The following UNC13C variants were observed in gnomAD, a reference collection of about 807,000 sequenced individuals.
UNC13C encodes the protein unc-13 homolog C, also known as protein unc-13 homolog C.
In UNC13C, 174 loss-of-function variants were observed where a neutral mutation model predicts 245.4. The ratio of observed to expected loss-of-function variants is 0.71; its 90% CI spans 0.63 to 0.80. The LOEUF is 0.80. Among genes scored for constraint, UNC13C ranks in the 30% least tolerant of loss-of-function variants. The probability of loss-of-function intolerance (pLI) is 0.00; values close to 1 mark genes in which losing one functional copy is unlikely to be tolerated. For synonymous variants in UNC13C, 992 were observed against 895.1 expected (o/e 1.11, Z -1.93); for missense variants, 2,829 against 2,602.9 (o/e 1.09, Z -1.89).
intron 2 of UNC13C, among the ~76,000 whole-genome samples, chr15:54,052,211 G>A (rs542799161): frequency 5.5e-4 from 58 of 105,376 alleles, no homozygotes; most frequent in African/African-American, 1.9e-3. Context: ...GAATAATGCC[G>A]CAATAAACAT....
At chr15:54,469,601 G>A (rs368192207) in intron 19 of UNC13C, among the ~76,000 whole-genome samples, 5 of 151,510 alleles carry the variant, frequency 3.3e-5, no homozygotes, top group Non-Finnish European at 5.9e-5. Context: ...ATCCTGTCTA[G>A]TTTACTTATA....
chr15:54,311,584 A>AT (rs2037874387), intron 13 of UNC13C, among the ~76,000 whole-genome samples: 1 of 151,504 alleles, frequency 6.6e-6, no homozygotes, highest in Non-Finnish European at 1.5e-5. Context: ...TCATACCTTT[A>AT]TTTTGCGTTA....
At chr15:53,934,401 C>G in the UNC13C span, among the ~76,000 whole-genome samples, 2 of 152,154 alleles carry the variant, frequency 1.3e-5, no homozygotes, top group Non-Finnish European at 2.9e-5. Flanking sequence ...CAACCCCCGC[C>G]TTTTTCTCTC....
At chr15:54,172,735 T>TATAA (rs1567067124) in intron 4 of UNC13C, among the ~76,000 whole-genome samples, 9 of 115,462 alleles carry the variant, frequency 7.8e-5, no homozygotes, top group Non-Finnish European at 1.2e-4. Context: ...TATATATATA[T>TATAA]ATATATATAT....
chr15:53,948,546 G>A, the UNC13C span: 47,492 of 151,114 alleles, frequency 0.31, 7,601 homozygotes, highest in Middle Eastern at 0.33. Context: ...CCCGGGAGGC[G>A]GAAGTTGTAG....
chr15:54,374,834 A>G (rs1596300707), intron 17 of UNC13C, among the ~76,000 whole-genome samples: 1 of 152,218 alleles, frequency 6.6e-6, no homozygotes, highest in South Asian at 2.1e-4. Flanking sequence ...GCCTCTCCAG[A>G]TGGGCTGCCA....
At chr15:54,402,886 A>G (rs1213894208) in intron 18 of UNC13C, among the ~76,000 whole-genome samples, 1 of 152,224 alleles carries the variant, frequency 6.6e-6, no homozygotes, top group African/African-American at 2.4e-5. Flanking sequence ...ATCTGATTGC[A>G]ACATCTTTTA....
At chr15:54,083,599 C>T (rs976747700) in intron 2 of UNC13C, among the ~76,000 whole-genome samples, 1 of 152,164 alleles carries the variant, frequency 6.6e-6, no homozygotes, top group Non-Finnish European at 1.5e-5. Flanking sequence ...CTCTCTATCC[C>T]TCTTCCCAGC....
rs189887743 is a variant in UNC13C, at chr15:54,609,663, C to T, written c.6107-12664C>T. Among the ~76,000 whole-genome samples the T allele has an allele frequency of 1.6e-4, 24 of 152,250 alleles. No homozygotes were observed. The East Asian group carries it at 4.1e-3, about 26-fold the overall frequency. Reference sequence around the variant, plus strand: ...CCATCTGTGTGTATTGTTTATTCTCCCAGACCTTCAATCATACATGTACAA... The same window carrying T: ...CCATCTGTGTGTATTGTTTATTCTCTCAGACCTTCAATCATACATGTACAA... On this transcript the variant is annotated intron_variant, in intron 30 of 32. Transcript: ENST00000260323.
Position 54,567,952 on chromosome 15 carries a change from G to A in UNC13C, c.6106+5G>A. On this transcript the variant is annotated splice_donor_5th_base_variant and intron_variant, in intron 30 of 32. Coordinates refer to ENST00000260323, the MANE Select transcript of UNC13C (RefSeq NM_001080534.3). ...TAGATACTCAAACCTCACAGAGTAA[G>A]TAACACATAGGACCTGAGAATAAGG... 6.5e-7 allele frequency: 1 copy of A among 1,546,318 alleles called. No individual in the cohort carries two copies. The highest frequency in any genetic ancestry group is 8.7e-7 in the Non-Finnish European group (1 of 1,143,822).
intron 2 of UNC13C, among the ~76,000 whole-genome samples, chr15:54,085,078 A>G (rs1420182052): frequency 6.6e-6 from 1 of 152,130 alleles, no homozygotes; most frequent in Non-Finnish European, 1.5e-5. Context: ...GTTAATTATG[A>G]CTTCTGCTAA....
chr15:54,014,008 T>C lies in UNC13C; in HGVS notation c.1105T>C (p.Cys369Arg), dbSNP rs772005375. The change falls in exon 2 of 33, where the codon TGC becomes CGC. Residue 369 changes from cysteine (C) to arginine (R), a missense_variant. By Grantham distance (180) the Cys-to-Arg change is radical (BLOSUM62 -3). Transcript: ENST00000260323. ...FAQRIGHQRDCPNAKPRPILV... is the reference protein window; with the variant it reads ...FAQRIGHQRDRPNAKPRPILV... ...TCAGAGGATAGGACACCAGAGAGAC[T>C]GCCCAAATGCAAAGCCTCGACCCAT... is the stretch of plus-strand genomic sequence containing the variant. 3.7e-6 allele frequency: 6 copies of C among 1,613,704 alleles called. No individual in the cohort carries two copies. The highest frequency in any genetic ancestry group is 5.1e-6 in the Non-Finnish European group (6 of 1,179,850).
rs117022079 is a variant in UNC13C at position 54,454,758 on chromosome 15, G to T, written c.4933+39691G>T. ...ATAATGTTTTCAAGTTTCATCCACA[G>T]TGTAGCAACTCCCAGTACTCCATCT... On this transcript the variant is annotated intron_variant, in intron 19 of 32. Coordinates refer to ENST00000260323, the MANE Select transcript of UNC13C (RefSeq NM_001080534.3). Among the ~76,000 whole-genome samples, 1,418 of 152,056 alleles carry T rather than the reference G, an allele frequency of 9.3e-3. 10 individuals carry two copies. Among genetic ancestry groups the T allele is most frequent in the Non-Finnish European group, 0.017 (1,136 of 67,984 alleles).
intron 17 of UNC13C, among the ~76,000 whole-genome samples, chr15:54,339,803 C>T (rs1464554366): frequency 6.6e-6 from 1 of 152,054 alleles, no homozygotes; most frequent in Non-Finnish European, 1.5e-5. Flanking sequence ...TGGGTAGATA[C>T]CCAGTAGTGA....
intron 29 of UNC13C, among the ~76,000 whole-genome samples, chr15:54,566,405 A>C (rs1897515836): frequency 6.6e-6 from 1 of 152,134 alleles, no homozygotes; most frequent in African/African-American, 2.4e-5. Flanking sequence ...ATCCAGGTGT[A>C]GAACAATTTA....
chr15:54,055,434 T>C (rs1897467366), intron 2 of UNC13C, among the ~76,000 whole-genome samples: 1 of 152,218 alleles, frequency 6.6e-6, no homozygotes, highest in East Asian at 1.9e-4. Context: ...ATTCTATTTT[T>C]TATTTAAATA....
the UNC13C span, chr15:53,913,954 A>G: frequency 2.6e-5 from 4 of 152,292 alleles, no homozygotes; most frequent in African/African-American, 4.8e-5. Flanking sequence ...CAATGTGAAC[A>G]GTAATCACCA....
At chr15:54,136,299 T>G (rs1010391385) in intron 2 of UNC13C, among the ~76,000 whole-genome samples, 2 of 152,024 alleles carry the variant, frequency 1.3e-5, no homozygotes, top group African/African-American at 2.4e-5. Flanking sequence ...CACCATGCCC[T>G]GCAAATTTTT....
Position 54,015,112 on chromosome 15 carries a change from C to G in UNC13C, c.2209C>G (p.Gln737Glu), listed in dbSNP as rs1300308797. 1 of 1,612,498 alleles carries G rather than the reference C, an allele frequency of 6.2e-7. No individual in the cohort carries two copies. The highest frequency in any genetic ancestry group is 2.2e-5 in the East Asian group (1 of 44,834). ...TGAACCACAAGGCCAGTGGGTTGGCCAATATGATTCTTATCAGGGAGCTAA... is the reference window on the plus strand; with the variant it reads ...TGAACCACAAGGCCAGTGGGTTGGCGAATATGATTCTTATCAGGGAGCTAA... Reference protein sequence around the residue: ...DNEPQGQWVGQYDSYQGANSN... With the variant: ...DNEPQGQWVGEYDSYQGANSN... Residue 737 changes from glutamine (Q) to glutamate (E), a missense_variant, in exon 2 of 33, where the codon CAA (glutamine) becomes GAA (glutamate). By Grantham distance (29) the Gln-to-Glu change is conservative. Coordinates refer to ENST00000260323, the MANE Select transcript of UNC13C (RefSeq NM_001080534.3).
Sources: allele counts gnomAD v4.1 joint callset (sites outside exome capture counted in the v4.1 genomes callset), GRCh38; gene constraint gnomAD v4.1.1; transcripts MANE v1.5; gene names NCBI Gene and HGNC (gene_info 2026-07-23, HGNC 2026-07-21).